Variants in MACROD2 observed in about 807,000 individuals in gnomAD.
MACROD2 encodes mono-ADP ribosylhydrolase 2, also known as ADP-ribose glycohydrolase MACROD2.
A neutral mutation model predicts 70.4 loss-of-function variants in MACROD2; 36 were observed. The observed-to-expected ratio is 0.51, with a 90% CI of 0.39 to 0.68. The LOEUF (loss-of-function observed/expected upper bound fraction) is 0.68. Among genes scored for constraint, MACROD2 ranks in the 30% least tolerant of loss-of-function variants. The probability of loss-of-function intolerance (pLI) is 0.00; values close to 1 mark genes in which losing one functional copy is unlikely to be tolerated. For synonymous variants in MACROD2, 172 were observed against 178.8 expected (o/e 0.96, Z 0.30); for missense variants, 496 against 538.4 (o/e 0.92, Z 0.78).
rs1206706409 is a variant in MACROD2 at position 15,006,129 on chromosome 20, TTA to T, written c.419-223799_419-223798del. On this transcript the variant is annotated intron_variant, in intron 5 of 17. Transcript: ENST00000684519. ...ATTAAAAAGACACAAAGAATGCATTTTATATATATATATGTGTGTGTGTGTGT... is the reference window on the plus strand; with the variant it reads ...ATTAAAAAGACACAAAGAATGCATTTTATATATATATGTGTGTGTGTGTGT... 9.8e-3 allele frequency among the ~76,000 whole-genome samples: 1,364 copies of T among 138,954 alleles called. 22 individuals carry two copies. Among genetic ancestry groups the T allele is most frequent in the African/African-American group, 0.034 (1,248 of 36,438 alleles). The allele number at this position is 138,954 out of a possible 152,430, so 91.2% of individuals were successfully genotyped here. A position where few individuals can be genotyped will look rare whatever the true frequency, so the allele number is the denominator to read the frequency against.
At chr20:14,237,850 C>T (rs1377173541) in intron 3 of MACROD2, among the ~76,000 whole-genome samples, 1 of 152,018 alleles carries the variant, frequency 6.6e-6, no homozygotes, top group Non-Finnish European at 1.5e-5. Flanking sequence ...CAGCTTCATC[C>T]ATGTCCCCAC....
chr20:14,209,714 G>A (rs752325660), intron 3 of MACROD2, among the ~76,000 whole-genome samples: 2 of 152,046 alleles, frequency 1.3e-5, no homozygotes, highest in South Asian at 4.2e-4. Context: ...TAGGGCATCC[G>A]AGCCAGACAT....
chr20:14,926,545 T>TCA (rs2074234808), intron 5 of MACROD2, among the ~76,000 whole-genome samples: 1 of 129,492 alleles, frequency 7.7e-6, no homozygotes, highest in East Asian at 2.9e-4. Flanking sequence ...CAAGACTCCG[T>TCA]CAAAAAAAAA....
chr20:14,541,308 C>T (rs751139913), intron 4 of MACROD2, among the ~76,000 whole-genome samples: 3 of 152,116 alleles, frequency 2.0e-5, no homozygotes, highest in Non-Finnish European at 4.4e-5. Flanking sequence ...CAAGTTCTGT[C>T]TGCATGGATC....
chr20:15,154,938 GAA>G (rs1054383475), intron 5 of MACROD2, among the ~76,000 whole-genome samples: 3 of 152,166 alleles, frequency 2.0e-5, no homozygotes, highest in African/African-American at 7.2e-5. Context: ...GATCAGTGGG[GAA>G]AAGAGTGAGA....
At chr20:14,396,762 A>G (rs1290918712) in intron 3 of MACROD2, among the ~76,000 whole-genome samples, 4 of 151,512 alleles carry the variant, frequency 2.6e-5, no homozygotes, top group African/African-American at 9.7e-5. Context: ...CGTCACTACT[A>G]AAAATACAAA....
intron 4 of MACROD2, among the ~76,000 whole-genome samples, chr20:14,503,378 T>G (rs34632880): frequency 0.16 from 24,369 of 152,080 alleles, 2,219 homozygotes; most frequent in Non-Finnish European, 0.2. Flanking sequence ...GAGGTCAGTA[T>G]ATAGACCCCA....
chr20:15,845,956 A>G (rs1489743102), intron 8 of MACROD2, among the ~76,000 whole-genome samples: 1 of 152,142 alleles, frequency 6.6e-6, no homozygotes, highest in African/African-American at 2.4e-5. Context: ...ACAAAACAGA[A>G]CACCTCTTTT....
At chr20:15,666,901 T>C (rs1253013571) in intron 8 of MACROD2, among the ~76,000 whole-genome samples, 2 of 152,088 alleles carry the variant, frequency 1.3e-5, no homozygotes, top group African/African-American at 4.8e-5. Context: ...TTATAAAAAA[T>C]TTCAAACATT....
intron 4 of MACROD2, among the ~76,000 whole-genome samples, chr20:14,512,587 A>C (rs2123151702): frequency 6.6e-6 from 1 of 152,254 alleles, no homozygotes. Context: ...GATAGGAAGT[A>C]GCTTAGAAGT....
At chr20:14,852,576 C>G (rs412485) in intron 5 of MACROD2, among the ~76,000 whole-genome samples, 87,215 of 151,792 alleles carry the variant, frequency 0.57, 26,254 homozygotes, top group Non-Finnish European at 0.67. Flanking sequence ...ATCTGATAAG[C>G]GAGCAGGCCC....
intron 3 of MACROD2, among the ~76,000 whole-genome samples, chr20:14,365,424 G>A (rs2083263055): frequency 6.6e-6 from 1 of 151,208 alleles, no homozygotes; most frequent in Admixed American, 6.6e-5. Flanking sequence ...TAATGTTCAT[G>A]TATAATAGTG....
intron 5 of MACROD2, among the ~76,000 whole-genome samples, chr20:15,222,071 A>G (rs541305884): frequency 3.9e-5 from 6 of 152,348 alleles, no homozygotes; most frequent in African/African-American, 1.2e-4. Context: ...TCAACTCACA[A>G]ACTCAAAGGA....
At chr20:15,399,736 T>A (rs1206166745) in intron 6 of MACROD2, among the ~76,000 whole-genome samples, 2 of 152,208 alleles carry the variant, frequency 1.3e-5, no homozygotes, top group Non-Finnish European at 2.9e-5. Context: ...CATCCCAGAT[T>A]TAGGCCTTGT....
chr20:14,369,813 A>C (rs6079405), intron 3 of MACROD2, among the ~76,000 whole-genome samples: 57,935 of 152,110 alleles, frequency 0.38, 12,559 homozygotes, highest in Non-Finnish European at 0.49. Context: ...AAAAAGATGC[A>C]TTCAAAGTAG....
intron 5 of MACROD2, among the ~76,000 whole-genome samples, chr20:15,034,744 T>C (rs1476247063): frequency 6.6e-6 from 1 of 152,208 alleles, no homozygotes; most frequent in Non-Finnish European, 1.5e-5. Context: ...TGGTATTTTA[T>C]CACCTGTTTC....
intron 4 of MACROD2, among the ~76,000 whole-genome samples, chr20:14,645,576 T>G (rs1415466552): frequency 1.3e-5 from 2 of 152,092 alleles, no homozygotes; most frequent in Non-Finnish European, 2.9e-5. Flanking sequence ...TACATACTTT[T>G]TATACTCAAT....
intron 5 of MACROD2, among the ~76,000 whole-genome samples, chr20:14,809,751 T>C (rs970634151): frequency 2.6e-5 from 4 of 152,014 alleles, no homozygotes; most frequent in Admixed American, 6.6e-5. Context: ...ATAAAGGGGA[T>C]ATCACCAGTG....
chr20:14,031,971 C>T (rs1456722411), intron 2 of MACROD2, among the ~76,000 whole-genome samples: 1 of 152,072 alleles, frequency 6.6e-6, no homozygotes, highest in Non-Finnish European at 1.5e-5. Context: ...TTAACCTAGA[C>T]AGTCTGGCAT....
Sources: gnomAD v4.1 joint callset for allele counts (sites outside exome capture counted in the v4.1 genomes callset) on GRCh38, gnomAD v4.1.1 for gene constraint, MANE v1.5 for transcripts, NCBI Gene and HGNC (gene_info 2026-07-23, HGNC 2026-07-21) for gene names.